Variants in PTRH1 observed in about 807,000 individuals in gnomAD.
PTRH1 encodes peptidyl-tRNA hydrolase.
In PTRH1, 13 loss-of-function variants were observed where a neutral mutation model predicts 15.7. The ratio of observed to expected loss-of-function variants is 0.83; its 90% CI spans 0.54 to 1.31. The LOEUF (loss-of-function observed/expected upper bound fraction) is 1.31. Among genes scored for constraint, PTRH1 ranks in the 40% most tolerant of loss-of-function variants. PTRH1 has a pLI of 0.00. For synonymous variants in PTRH1, 139 were observed against 136.7 expected, an observed-to-expected ratio of 1.02 and a Z score of -0.12; for missense variants, 319 against 296.2, an observed-to-expected ratio of 1.08 and a Z score of -0.56.
At chr9:127,712,580 C>T (rs1564367019), downstream of PTRH1, 4 of 1,565,894 alleles carry the variant, frequency 2.6e-6, no homozygotes, top group African/African-American at 1.4e-5. Flanking sequence ...GTCTTCCCGA[C>T]TGAAGAATGG....
chr9:127,715,538 A>G lies in PTRH1; in HGVS notation c.96+6T>C, dbSNP rs754619484. ...AGCCCCTACGTCGCCGCCCCACGCCACTCACCATCCACCGCTTCCCCGGGG... is the reference window on the plus strand; with the variant it reads ...AGCCCCTACGTCGCCGCCCCACGCCGCTCACCATCCACCGCTTCCCCGGGG... On this transcript the variant is annotated splice_donor_region_variant and intron_variant, in intron 1 of 4. Transcript: ENST00000543175. This position sits in a 1 kb window ranked among gnomAD's most constrained non-coding sequence, Gnocchi z 5.8. 6.2e-7 allele frequency: 1 copy of G among 1,613,292 alleles called. No homozygotes were observed. Among genetic ancestry groups the G allele is most frequent in the Non-Finnish European group, 8.5e-7 (1 of 1,179,998 alleles).
chr9:127,712,983 G>T, downstream of PTRH1: 2 of 1,604,690 alleles, frequency 1.2e-6, no homozygotes, highest in Non-Finnish European at 1.7e-6. Flanking sequence ...AACCTGGCTC[G>T]CCGAAGGCTC....
At chr9:127,709,462 A>C (rs2131585915), downstream of PTRH1, 1 of 1,613,926 alleles carries the variant, frequency 6.2e-7, no homozygotes. This position sits in a 1 kb window ranked among gnomAD's most constrained non-coding sequence, Gnocchi z 4.7. Flanking sequence ...GCAGGAGAAG[A>C]TGTTCCGCCA....
At chr9:127,711,176 C>T, downstream of PTRH1, 1 of 1,587,428 alleles carries the variant, frequency 6.3e-7, no homozygotes, top group Non-Finnish European at 8.6e-7. Flanking sequence ...GGGGTGTGCC[C>T]AGGGCTTGTG....
At chr9:127,709,417 C>G, downstream of PTRH1, 2 of 1,612,518 alleles carry the variant, frequency 1.2e-6, no homozygotes, top group Non-Finnish European at 1.7e-6. This position sits in a 1 kb window ranked among gnomAD's most constrained non-coding sequence, Gnocchi z 4.7. Context: ...CTGCCCCTGC[C>G]CCAGGTACCA....
At position 127,713,838 on chromosome 9, in the gene PTRH1, G is replaced by T; in HGVS notation, c.*262C>A. ...CCAGCATCTTTAATCTTACAGATGCGTGCCCCTGGTTCTCTAAAAAGGCTT... is the reference window on the plus strand; with the variant it reads ...CCAGCATCTTTAATCTTACAGATGCTTGCCCCTGGTTCTCTAAAAAGGCTT... On this transcript the variant is annotated 3_prime_UTR_variant, in exon 5 of 5. Transcript: ENST00000543175. 1 of 1,613,664 alleles carries T rather than the reference G, an allele frequency of 6.2e-7. No individual in the cohort carries two copies. Among genetic ancestry groups the T allele is most frequent in the Non-Finnish European group, 8.5e-7 (1 of 1,179,894 alleles).
intron 1 of PTRH1, among the ~76,000 whole-genome samples, chr9:127,708,679 G>T (rs1842699808): frequency 6.6e-6 from 1 of 152,152 alleles, no homozygotes. Context: ...CTTACTATTT[G>T]CCAAGCCCTG....
chr9:127,700,848 T>C (rs757522079), intron 1 of PTRH1, among the ~76,000 whole-genome samples: 87 of 152,238 alleles, frequency 5.7e-4, no homozygotes, highest in Non-Finnish European at 9.6e-4. Context: ...ACAGCTTTCA[T>C]TGGACAAGAG....
chr9:127,706,611 A>C (rs373402222), intron 1 of PTRH1, among the ~76,000 whole-genome samples: 2 of 152,248 alleles, frequency 1.3e-5, no homozygotes, highest in South Asian at 2.1e-4. Context: ...CAATGCACCC[A>C]TGCCAGGACA....
At chr9:127,695,462 G>A (rs1205971377) in intron 1 of PTRH1, 1 of 275,164 alleles carries the variant, frequency 3.6e-6, no homozygotes, top group East Asian at 6.7e-5. Context: ...AATGCAGAAT[G>A]TTGGCAAACT....
downstream of PTRH1, chr9:127,712,638 T>C: frequency 6.2e-7 from 1 of 1,612,038 alleles, no homozygotes; most frequent in Admixed American, 1.7e-5. Flanking sequence ...GGCACTGAGG[T>C]TGGAATTTCC....
At chr9:127,713,449 G>T (rs1489341730), downstream of PTRH1, 5 of 372,250 alleles carry the variant, frequency 1.3e-5, no homozygotes, top group African/African-American at 8.7e-5. Flanking sequence ...AGCAGGGAAA[G>T]AGTGGGATCC....
At chr9:127,694,209 G>T (rs1204394274) in intron 2 of PTRH1, among the ~76,000 whole-genome samples, 1 of 152,054 alleles carries the variant, frequency 6.6e-6, no homozygotes, top group African/African-American at 2.4e-5. Flanking sequence ...TGGGATTACA[G>T]GCGTGAGCTA....
rs943608767 is a variant in PTRH1 at position 127,714,817 on chromosome 9, G to A, written c.317-115C>T. On this transcript the variant is annotated intron_variant, in intron 2 of 4. Coordinates refer to ENST00000543175, the MANE Select transcript of PTRH1 (RefSeq NM_001002913.3). ...CCCACTTCACATATAAAGAAACTGA[G>A]GCCCCCCGAAGTACCCAAAGCCATG... 4 of 1,105,698 alleles carry A rather than the reference G, an allele frequency of 3.6e-6. No homozygotes were observed. In the Admixed American group the frequency reaches 6.2e-5, roughly 17 times the overall value. The allele number at this position is 1,105,698 out of a possible 1,614,324, so 68.5% of individuals were successfully genotyped here.
intron 1 of PTRH1, among the ~76,000 whole-genome samples, chr9:127,698,940 G>A (rs1259815005): frequency 2.2e-5 from 3 of 136,678 alleles, no homozygotes; most frequent in Non-Finnish European, 3.0e-5. Flanking sequence ...ACGGAGTCTC[G>A]CCCAGGCTGG....
downstream of PTRH1, chr9:127,711,627 C>T: frequency 2.4e-6 from 3 of 1,250,322 alleles, no homozygotes; most frequent in Non-Finnish European, 3.3e-6. Context: ...GACTGGGCCT[C>T]CTGTGGGGGC....
At position 127,715,259 on chromosome 9, in the gene PTRH1, C is replaced by T; in HGVS notation, c.97-65G>A. 6.7e-7 allele frequency: 1 copy of T among 1,485,452 alleles called. No homozygotes were observed. The highest frequency in any genetic ancestry group is 9.1e-7 in the Non-Finnish European group (1 of 1,101,090). 92.0% of individuals were successfully genotyped at this position (1,485,452 alleles called of 1,614,324 possible). A position where few individuals can be genotyped will look rare whatever the true frequency, so the allele number is the denominator to read the frequency against. On this transcript the variant is annotated intron_variant, in intron 1 of 4. Coordinates refer to ENST00000543175, the MANE Select transcript of PTRH1 (RefSeq NM_001002913.3). The surrounding 1 kb of genome is among the most constrained non-coding windows in gnomAD (Gnocchi z 5.8). ...CGCCACCCCCGATCTCACAGCGTCC[C>T]GTGGGCCCCAACGCAGAGGAGCGGA...
At chr9:127,713,220 G>A (rs778367256), downstream of PTRH1, 4 of 1,515,722 alleles carry the variant, frequency 2.6e-6, no homozygotes, top group Admixed American at 6.7e-5. Flanking sequence ...AGGGTGCCAG[G>A]GGCCCCAGGG....
chr9:127,713,993 AGAG>A lies in PTRH1; in HGVS notation c.*104_*106del. ...ATCCGCAGGCAGCCTGGAACAGTCTAGAGGAGATTTGTATAAAAAGTAGATACC... is the reference window on the plus strand; with the variant it reads ...ATCCGCAGGCAGCCTGGAACAGTCTAGAGATTTGTATAAAAAGTAGATACC... On this transcript the variant is annotated 3_prime_UTR_variant, in exon 5 of 5. Coordinates refer to ENST00000543175, the MANE Select transcript of PTRH1 (RefSeq NM_001002913.3). 4 of 1,574,614 alleles carry A rather than the reference AGAG, an allele frequency of 2.5e-6. No individual in the cohort carries two copies. The highest frequency in any genetic ancestry group is 1.1e-5 in the South Asian group (1 of 90,150).
Sources: allele counts gnomAD v4.1 joint callset (sites outside exome capture counted in the v4.1 genomes callset), GRCh38; gene constraint gnomAD v4.1.1; non-coding constraint Gnocchi (gnomAD v3.1); transcripts MANE v1.5; gene names NCBI Gene and HGNC (gene_info 2026-07-23, HGNC 2026-07-21).